The following GDPD4 variants were observed in gnomAD, a reference collection of about 807,000 sequenced individuals.
GDPD4 encodes the protein glycerophosphodiester phosphodiesterase domain containing 4.
In GDPD4, 60 loss-of-function variants were observed where a neutral mutation model predicts 67.8. That is an observed-to-expected ratio of 0.88 (90% confidence interval 0.72 to 1.10). GDPD4 has a LOEUF of 1.10. GDPD4 is among the 50% of genes least tolerant of loss of function. GDPD4 has a pLI of 0.00. For synonymous variants in GDPD4, 212 were observed against 210.9 expected, an observed-to-expected ratio of 1.00 and a Z score of -0.04; for missense variants, 623 against 613.9, an observed-to-expected ratio of 1.01 and a Z score of -0.16.
rs117560219 is a variant in GDPD4, at chr11:77,300,172, C to T, written c.-254+1433G>A. On this transcript the variant is annotated intron_variant, in intron 1 of 16. Transcript: ENST00000315938. ...CCTGACTCATCCTGATCACCTGCTC[C>T]ACCCTCACTCCCGCCAAACCACTCA... Among the ~76,000 whole-genome samples, 678 of 152,202 alleles carry T rather than the reference C, an allele frequency of 4.5e-3. 4 individuals carry two copies. Among genetic ancestry groups the T allele is most frequent in the Middle Eastern group, 0.014 (4 of 294 alleles).
intron 13 of GDPD4, among the ~76,000 whole-genome samples, chr11:77,235,533 G>A (rs1332420373): frequency 6.6e-6 from 1 of 152,168 alleles, no homozygotes; most frequent in Admixed American, 6.5e-5. Context: ...ATACAAATGT[G>A]ACAAATGATT....
chr11:77,225,150 T>A (rs1041096214), intron 16 of GDPD4, among the ~76,000 whole-genome samples: 1 of 151,466 alleles, frequency 6.6e-6, no homozygotes, highest in African/African-American at 2.4e-5. Flanking sequence ...ATAGAATCTA[T>A]CCAAAAATAA....
At position 77,289,044 on chromosome 11, in the gene GDPD4, GGA is replaced by G. The variant is rs1937669970; in HGVS notation, c.-253-1626_-253-1625del. ...GAGGGGAGGGGAGGGGAGGGAAGCG[GGA>G]GAGAGAAAGAAAGAGAAGGAAAAGT... On this transcript the variant is annotated intron_variant, in intron 1 of 16. Transcript: ENST00000315938. Among the ~76,000 whole-genome samples the G allele has an allele frequency of 2.0e-5, 3 of 151,362 alleles. No individual in the cohort carries two copies. The South Asian group carries it at 6.3e-4, about 32-fold the overall frequency.
intron 11 of GDPD4, among the ~76,000 whole-genome samples, chr11:77,252,636 TC>T (rs1332572833): frequency 6.6e-6 from 1 of 152,198 alleles, no homozygotes; most frequent in Non-Finnish European, 1.5e-5. Context: ...AATAATCACC[TC>T]TTCTAAACTT....
chr11:77,291,768 T>A (rs940479124), intron 1 of GDPD4, among the ~76,000 whole-genome samples: 1 of 152,212 alleles, frequency 6.6e-6, no homozygotes, highest in Non-Finnish European at 1.5e-5. Flanking sequence ...CAGTGGCTCA[T>A]GCCTGTAATC....
rs754200411 is a variant in GDPD4 at position 77,233,143 on chromosome 11, T to A, written c.1271A>T (p.Asn424Ile). 4 of 1,613,844 alleles carry A rather than the reference T, an allele frequency of 2.5e-6. No homozygotes were observed. The highest frequency in any genetic ancestry group is 3.4e-6 in the Non-Finnish European group (4 of 1,179,822). Reference protein sequence around the residue: ...RDYKAANIHINVYTVNEPWLF... With the variant: ...RDYKAANIHIIVYTVNEPWLF... ...CCAAGGCTCATTGACGGTGTATACGTTGATATGGATGTTAGCTGCTTTATA... is the reference window on the plus strand; with the variant it reads ...CCAAGGCTCATTGACGGTGTATACGATGATATGGATGTTAGCTGCTTTATA... The change falls in exon 14 of 17, where the codon AAC (asparagine) becomes ATC (isoleucine). Residue 424 changes from asparagine to isoleucine, a missense_variant. Asn to Ile is a moderately radical substitution (Grantham distance 149, BLOSUM62 -3). Transcript: ENST00000315938.
rs548067916 is a variant in GDPD4 at position 77,224,472 on chromosome 11, A to C, written c.1525+3392T>G. On this transcript the variant is annotated intron_variant, in intron 16 of 16. Transcript: ENST00000315938. ...GACTTCATCATAGCAGACTGGAGAG[A>C]TATTCTGTTGTTGGCTTTGAAGAAG... 2.0e-5 allele frequency among the ~76,000 whole-genome samples: 3 copies of C among 152,286 alleles called. No individual in the cohort carries two copies. The South Asian group carries it at 6.2e-4, about 32-fold the overall frequency.
chr11:77,226,928 C>A (rs1471335468), intron 16 of GDPD4, among the ~76,000 whole-genome samples: 1 of 152,196 alleles, frequency 6.6e-6, no homozygotes, highest in African/African-American at 2.4e-5. Context: ...AGTGTTGTAT[C>A]AGTTCCACTC....
intron 2 of GDPD4, among the ~76,000 whole-genome samples, chr11:77,286,290 C>T (rs897000659): frequency 1.3e-5 from 2 of 152,286 alleles, no homozygotes; most frequent in African/African-American, 4.8e-5. Context: ...TGTGTACATG[C>T]GCATACAGTT....
At chr11:77,274,021 C>T (rs997318474) in intron 5 of GDPD4, among the ~76,000 whole-genome samples, 17 of 152,196 alleles carry the variant, frequency 1.1e-4, no homozygotes, top group African/African-American at 3.9e-4. Context: ...GGCCAAGTAG[C>T]AGTACTTAAC....
chr11:77,238,272 C>G (rs146838148), intron 13 of GDPD4, among the ~76,000 whole-genome samples: 87 of 152,268 alleles, frequency 5.7e-4, no homozygotes, highest in African/African-American at 2.1e-3. Context: ...CTAAGTGTCA[C>G]TGAATTGTTC....
At chr11:77,231,488 C>T (rs780430027) in intron 14 of GDPD4, among the ~76,000 whole-genome samples, 1 of 152,194 alleles carries the variant, frequency 6.6e-6, no homozygotes, top group Non-Finnish European at 1.5e-5. Flanking sequence ...TAAAATGACA[C>T]ATGGCATAGG....
chr11:77,272,416 T>A (rs1369420423), intron 5 of GDPD4, among the ~76,000 whole-genome samples: 1 of 152,192 alleles, frequency 6.6e-6, no homozygotes, highest in Admixed American at 6.5e-5. Flanking sequence ...TCACAGATCT[T>A]ACCCAACACC....
chr11:77,294,960 C>CTTTTT (rs144796072), intron 1 of GDPD4, among the ~76,000 whole-genome samples: 56 of 66,380 alleles, frequency 8.4e-4, no homozygotes, highest in East Asian at 3.8e-3. Context: ...TACAACTTTG[C>CTTTTT]TTTTTTTTTT....
chr11:77,276,279 G>A (rs937377654), intron 4 of GDPD4, 59 bp from the exon 5 acceptor site: 3 of 1,316,122 alleles, frequency 2.3e-6, no homozygotes, highest in African/African-American at 2.9e-5. Flanking sequence ...GCCACCCAAA[G>A]CACTGTTCCT....
chr11:77,257,566 CA>C, intron 11 of GDPD4, among the ~76,000 whole-genome samples: 1 of 150,914 alleles, frequency 6.6e-6, no homozygotes, highest in Non-Finnish European at 1.5e-5. Context: ...CACACACACA[CA>C]CACACACACA....
At chr11:77,261,909 C>T (rs956780529) in intron 10 of GDPD4, among the ~76,000 whole-genome samples, 17 of 152,184 alleles carry the variant, frequency 1.1e-4, no homozygotes, top group African/African-American at 3.4e-4. Flanking sequence ...TTGGCCCAGG[C>T]AGTTCTGAAT....
At chr11:77,238,775 C>G (rs1264069160) in intron 13 of GDPD4, among the ~76,000 whole-genome samples, 1 of 151,988 alleles carries the variant, frequency 6.6e-6, no homozygotes, top group East Asian at 1.9e-4. Context: ...TAAAGAAGAA[C>G]TAATATCAAT....
chr11:77,223,867 G>A (rs1473140503), intron 16 of GDPD4, among the ~76,000 whole-genome samples: 1 of 152,182 alleles, frequency 6.6e-6, no homozygotes, highest in African/African-American at 2.4e-5. Context: ...GAGCGTCCTG[G>A]CTGCTTTGTT....
Sources: allele counts gnomAD v4.1 joint callset (sites outside exome capture counted in the v4.1 genomes callset), GRCh38; gene constraint gnomAD v4.1.1; transcripts MANE v1.5; gene names NCBI Gene and HGNC (gene_info 2026-07-23, HGNC 2026-07-21).